Variants in SCFD2 observed in about 807,000 individuals in gnomAD.
SCFD2 encodes the protein sec1 family domain-containing protein 2.
SCFD2 carries 54 observed loss-of-function variants against 58.9 expected under a neutral mutation model. That is an observed-to-expected ratio of 0.92 (90% CI 0.74 to 1.15). The LOEUF (loss-of-function observed/expected upper bound fraction) is 1.15. SCFD2 is among the 50% of genes most tolerant of loss of function. SCFD2 has a pLI of 0.00. For missense variants in SCFD2, 805 were observed against 836.6 expected (o/e 0.96, Z 0.47); for synonymous variants, 321 against 335.9 (o/e 0.96, Z 0.49).
chr4:53,112,977 A>AG (rs1374102180), intron 5 of SCFD2, among the ~76,000 whole-genome samples: 1 of 151,992 alleles, frequency 6.6e-6, no homozygotes, highest in East Asian at 1.9e-4. Context: ...ATTCCCTCTT[A>AG]AGGTCTCTTA....
chr4:53,300,243 G>C (rs1287492878), intron 3 of SCFD2, among the ~76,000 whole-genome samples: 1 of 152,142 alleles, frequency 6.6e-6, no homozygotes, highest in East Asian at 1.9e-4. Context: ...AAAATAAAGG[G>C]ATGGAGGAAG....
At chr4:53,094,650 T>A (rs889296646) in intron 5 of SCFD2, among the ~76,000 whole-genome samples, 3 of 152,050 alleles carry the variant, frequency 2.0e-5, no homozygotes, top group Non-Finnish European at 2.9e-5. Context: ...CCCAATGTCA[T>A]CAATTTCTTT....
chr4:53,161,622 A>C (rs1225635929), intron 4 of SCFD2, among the ~76,000 whole-genome samples: 1 of 152,204 alleles, frequency 6.6e-6, no homozygotes, highest in African/African-American at 2.4e-5. Context: ...GCTGTGCTTC[A>C]AACAGAACTG....
At chr4:52,930,338 T>C (rs148699808) in intron 5 of SCFD2, among the ~76,000 whole-genome samples, 4,838 of 152,256 alleles carry the variant, frequency 0.032, 88 homozygotes, top group Middle Eastern at 0.061. Context: ...CCCTTCCTTA[T>C]GCCTTATATG....
intron 5 of SCFD2, among the ~76,000 whole-genome samples, chr4:52,972,734 A>G (rs939512210): frequency 1.3e-5 from 2 of 152,176 alleles, no homozygotes; most frequent in African/African-American, 2.4e-5. Flanking sequence ...GCACCACACC[A>G]CACCTATTCC....
chr4:52,920,924 A>G, intron 5 of SCFD2, 54 bp from the exon 6 acceptor site: 3 of 1,230,650 alleles, frequency 2.4e-6, no homozygotes, highest in Non-Finnish European at 3.4e-6. Context: ...AGTTTTCATC[A>G]TGACAGCTTG....
At chr4:53,161,789 C>T (rs1726860768) in intron 4 of SCFD2, among the ~76,000 whole-genome samples, 1 of 152,136 alleles carries the variant, frequency 6.6e-6, no homozygotes, top group South Asian at 2.1e-4. Context: ...CTTTATCTGG[C>T]TACATTTAAT....
intron 4 of SCFD2, among the ~76,000 whole-genome samples, chr4:53,243,544 A>C (rs1729967445): frequency 6.6e-6 from 1 of 152,204 alleles, no homozygotes. Flanking sequence ...TACACAGACT[A>C]GTGATGCTGT....
intron 3 of SCFD2, among the ~76,000 whole-genome samples, chr4:53,289,165 G>C (rs1275802178): frequency 6.6e-6 from 1 of 152,136 alleles, no homozygotes; most frequent in Non-Finnish European, 1.5e-5. Context: ...AGGAGTTTGA[G>C]ACCAGCCTGA....
At chr4:52,900,916 C>T (rs1008801302) in intron 7 of SCFD2, among the ~76,000 whole-genome samples, 9 of 152,192 alleles carry the variant, frequency 5.9e-5, no homozygotes, top group Non-Finnish European at 2.9e-5. Flanking sequence ...GAGGGAGAGG[C>T]TCCGCGGGCG....
At chr4:53,061,928 G>A (rs779930948) in intron 5 of SCFD2, among the ~76,000 whole-genome samples, 3 of 152,124 alleles carry the variant, frequency 2.0e-5, no homozygotes, top group Non-Finnish European at 4.4e-5. Flanking sequence ...TCCACGATTA[G>A]ACAGAGGGTG....
intron 2 of SCFD2, among the ~76,000 whole-genome samples, chr4:53,330,488 C>T (rs931062627): frequency 6.6e-6 from 1 of 152,070 alleles, no homozygotes; most frequent in African/African-American, 2.4e-5. Context: ...TCACATCCAG[C>T]CAAACTAAGC....
At chr4:52,975,880 G>A (rs901116235) in intron 5 of SCFD2, among the ~76,000 whole-genome samples, 2 of 151,880 alleles carry the variant, frequency 1.3e-5, no homozygotes, top group Admixed American at 6.6e-5. Flanking sequence ...GTAGGGACAC[G>A]GATGAAGCTG....
At chr4:53,121,003 T>C (rs1725462790) in intron 5 of SCFD2, among the ~76,000 whole-genome samples, 1 of 152,248 alleles carries the variant, frequency 6.6e-6, no homozygotes, top group South Asian at 2.1e-4. Context: ...CAATAGACGC[T>C]TGCCAAGCGG....
chr4:53,015,389 C>A (rs150738570), intron 5 of SCFD2, among the ~76,000 whole-genome samples: 10 of 152,106 alleles, frequency 6.6e-5, no homozygotes, highest in African/African-American at 2.4e-4. Context: ...AGCAGCTCTG[C>A]CCTGAAGAAT....
At chr4:53,067,557 G>A (rs62338969) in intron 5 of SCFD2, among the ~76,000 whole-genome samples, 24,375 of 151,902 alleles carry the variant, frequency 0.16, 2,446 homozygotes, top group Middle Eastern at 0.26. Context: ...TGCCCATGTT[G>A]TTCTTGTGGA....
At chr4:53,068,624 T>C (rs1367957536) in intron 5 of SCFD2, among the ~76,000 whole-genome samples, 2 of 152,130 alleles carry the variant, frequency 1.3e-5, no homozygotes, top group Non-Finnish European at 2.9e-5. Context: ...TAATTATCCA[T>C]ATAATAGAAT....
chr4:52,996,636 A>C (rs986758201), intron 5 of SCFD2, among the ~76,000 whole-genome samples: 8 of 152,246 alleles, frequency 5.3e-5, no homozygotes, highest in African/African-American at 1.9e-4. Flanking sequence ...GAGGGAGAAC[A>C]AAATGAAATT....
Position 52,981,578 on chromosome 4 carries a change from T to C in SCFD2, c.1562-60708A>G, listed in dbSNP as rs1027231413. On this transcript the variant is annotated intron_variant, in intron 5 of 8. Coordinates refer to ENST00000401642, the MANE Select transcript of SCFD2 (RefSeq NM_152540.4). The stretch of plus-strand genomic sequence containing the variant: ...TTTTTTTTCTAAGAAAACAGGAAGG[T>C]CATTGCTAGAAAGGATCAAGGTCCT... 2.0e-5 allele frequency among the ~76,000 whole-genome samples: 3 copies of C among 152,006 alleles called. No individual in the cohort carries two copies. The East Asian group carries it at 5.8e-4, about 29-fold the overall frequency.
Sources: gnomAD v4.1 joint callset for allele counts (sites outside exome capture counted in the v4.1 genomes callset) on GRCh38, gnomAD v4.1.1 for gene constraint, MANE v1.5 for transcripts, NCBI Gene and HGNC (gene_info 2026-07-23, HGNC 2026-07-21) for gene names.